CHODL: variants seen among roughly 807,000 people sequenced by gnomAD.
CHODL encodes transmembrane protein MT75.
Under a neutral mutation model 34.5 loss-of-function variants are expected in CHODL, and 29 were observed. The ratio of observed to expected loss-of-function variants is 0.84; its 90% CI spans 0.63 to 1.15. CHODL has a LOEUF of 1.15. Among genes scored for constraint, CHODL ranks in the 50% most tolerant of loss-of-function variants. The probability of loss-of-function intolerance (pLI) is 0.00; values close to 1 mark genes in which losing one functional copy is unlikely to be tolerated. For missense variants in CHODL, 332 were observed against 332.5 expected (o/e 1.00, Z 0.01); for synonymous variants, 125 against 116.1 (o/e 1.08, Z -0.49).
At chr21:18,134,262 A>G (rs2824645) in intron 2 of CHODL, 79,741 of 500,222 alleles carry the variant, frequency 0.16, 11,385 homozygotes, top group African/African-American at 0.54. Context: ...TGATCTTGCC[A>G]TTTTTATACT....
chr21:17,932,854 C>T (rs547378246), intron 1 of CHODL, among the ~76,000 whole-genome samples: 5 of 152,064 alleles, frequency 3.3e-5, no homozygotes, highest in South Asian at 2.1e-4. Context: ...GTTCAGCATA[C>T]GGAGGATCCC....
At chr21:17,937,746 A>G (rs2063329561) in intron 1 of CHODL, among the ~76,000 whole-genome samples, 1 of 151,918 alleles carries the variant, frequency 6.6e-6, no homozygotes, top group South Asian at 2.1e-4. Context: ...TTTCACTTTG[A>G]TAGGCTTTTT....
intron 1 of CHODL, among the ~76,000 whole-genome samples, chr21:17,958,993 CT>C (rs1274095444): frequency 1.3e-5 from 2 of 152,032 alleles, no homozygotes; most frequent in Admixed American, 6.6e-5. Flanking sequence ...TCAGCTTGCT[CT>C]TTCTTTTTTG....
At chr21:18,023,935 G>T (rs1286737717) in intron 1 of CHODL, among the ~76,000 whole-genome samples, 1 of 152,136 alleles carries the variant, frequency 6.6e-6, no homozygotes, top group African/African-American at 2.4e-5. Flanking sequence ...CAAAACTAGT[G>T]ATTAGTTATG....
At chr21:17,961,914 AT>A (rs2063535026) in intron 1 of CHODL, among the ~76,000 whole-genome samples, 1 of 152,166 alleles carries the variant, frequency 6.6e-6, no homozygotes, top group East Asian at 1.9e-4. Flanking sequence ...TAAGGTTTTC[AT>A]TGTTTCTTCT....
At chr21:18,209,640 C>G (rs923361645) in intron 2 of CHODL, among the ~76,000 whole-genome samples, 2 of 152,152 alleles carry the variant, frequency 1.3e-5, no homozygotes, top group Non-Finnish European at 2.9e-5. Context: ...TGGGTCACAT[C>G]TGAAGCCAGC....
At chr21:17,993,589 T>C (rs1007612500) in intron 1 of CHODL, among the ~76,000 whole-genome samples, 2 of 152,234 alleles carry the variant, frequency 1.3e-5, no homozygotes, top group African/African-American at 4.8e-5. Context: ...GGCAAATATG[T>C]ACCACATTTT....
chr21:18,262,928 A>T (rs915285517), intron 5 of CHODL, 35 bp downstream of exon 5: 3 of 1,154,988 alleles, frequency 2.6e-6, no homozygotes, highest in Non-Finnish European at 3.9e-6. Context: ...CAATTTGAAA[A>T]ACTTTAAATA....
In CHODL at chr21:18,256,491, TC is replaced by T. The variant is rs772753658; in HGVS notation, c.80-17del. 1.1e-3 allele frequency: 1,697 copies of T among 1,492,020 alleles called. No individual in the cohort carries two copies. Among genetic ancestry groups the T allele is most frequent in the African/African-American group, 6.2e-3 (310 of 50,290 alleles). The allele number at this position is 1,492,020 out of a possible 1,614,324, so 92.4% of individuals were successfully genotyped here. ...AGTTCCGATTATCAATATATGGGCA[TC>T]TTTTTTTTTTTTTCAGGCCAAAAGG... On this transcript the variant is annotated splice_polypyrimidine_tract_variant and intron_variant, in intron 1 of 5. Coordinates refer to ENST00000299295, the MANE Select transcript of CHODL (RefSeq NM_024944.3).
intron 1 of CHODL, among the ~76,000 whole-genome samples, chr21:18,023,310 A>G (rs158043): frequency 6.6e-6 from 1 of 151,856 alleles, no homozygotes; most frequent in African/African-American, 2.4e-5. Context: ...CTGCTGTGAA[A>G]AACTGGGTGG....
rs10671177 is a variant in CHODL at position 18,145,435 on chromosome 21, C to CAAAAA, written c.-44-111056_-44-111052dup. On this transcript the variant is annotated intron_variant, in intron 2 of 6. Transcript: ENST00000400127. Reference sequence around the variant, plus strand: ...CTAGGGGACGAGTGAGACTACCTTTCAAAAAAAAAAAAAAAAAAAAAAGCG... The same window carrying CAAAAA: ...CTAGGGGACGAGTGAGACTACCTTTCAAAAAAAAAAAAAAAAAAAAAAAAAAAGCG... Among the ~76,000 whole-genome samples the CAAAAA allele has an allele frequency of 1.0e-3, 63 of 60,864 alleles. 27 individuals carry two copies. The highest frequency in any genetic ancestry group is 1.1e-3 in the African/African-American group (20 of 18,930). The allele number at this position is 60,864 out of a possible 152,430, so 39.9% of individuals were successfully genotyped here.
intron 1 of CHODL, among the ~76,000 whole-genome samples, chr21:18,011,146 G>A (rs1037809873): frequency 2.0e-5 from 3 of 152,112 alleles, no homozygotes; most frequent in African/African-American, 7.2e-5. Flanking sequence ...GTAAGGATAT[G>A]TAGATGGGTA....
chr21:18,109,940 C>A (rs1871713461), intron 2 of CHODL, among the ~76,000 whole-genome samples: 1 of 151,688 alleles, frequency 6.6e-6, no homozygotes, highest in African/African-American at 2.4e-5. Context: ...CTTACAGGTA[C>A]AATATAAAAG....
intron 1 of CHODL, among the ~76,000 whole-genome samples, chr21:17,966,829 G>A (rs894418125): frequency 1.3e-5 from 2 of 151,924 alleles, no homozygotes; most frequent in East Asian, 3.9e-4. Context: ...TCCAGTGTTT[G>A]GTGATACAGA....
chr21:17,945,782 A>C (rs998323044), intron 1 of CHODL, among the ~76,000 whole-genome samples: 2 of 152,334 alleles, frequency 1.3e-5, no homozygotes, highest in Admixed American at 6.5e-5. Context: ...TTCAAAGAGG[A>C]GTATACTAAG....
chr21:18,039,456 T>C (rs1435816895), intron 2 of CHODL, among the ~76,000 whole-genome samples: 1 of 151,726 alleles, frequency 6.6e-6, no homozygotes, highest in Non-Finnish European at 1.5e-5. Flanking sequence ...TTAGACATCA[T>C]GTGTGAAATG....
In CHODL at chr21:18,229,858, C is replaced by G. The variant is rs148944542; in HGVS notation, c.-44-26651C>G. Among the ~76,000 whole-genome samples, 194 of 152,174 alleles carry G rather than the reference C, an allele frequency of 1.3e-3. 1 individual carries two copies. Among genetic ancestry groups the G allele is most frequent in the African/African-American group, 4.3e-3 (180 of 41,536 alleles). ...ATGTTTTCTCTTCAGTCCCAGAATT[C>G]AATCATGGAACACGAAAGGATAATC... On this transcript the variant is annotated intron_variant, in intron 2 of 6. Transcript: ENST00000400127.
At chr21:18,232,088 T>C (rs529662561) in intron 2 of CHODL, among the ~76,000 whole-genome samples, 115 of 152,136 alleles carry the variant, frequency 7.6e-4, no homozygotes, top group Admixed American at 3.7e-3. Flanking sequence ...CTTCAACATT[T>C]CTACCATTAA....
chr21:18,047,117 T>C (rs911590152), intron 2 of CHODL, among the ~76,000 whole-genome samples: 1 of 152,006 alleles, frequency 6.6e-6, no homozygotes, highest in African/African-American at 2.4e-5. Context: ...AACTCTACTT[T>C]AATCTTGGCT....
Sources: allele counts gnomAD v4.1 joint callset (sites outside exome capture counted in the v4.1 genomes callset), GRCh38; gene constraint gnomAD v4.1.1; transcripts MANE v1.5; gene names NCBI Gene and HGNC (gene_info 2026-07-23, HGNC 2026-07-21).